LARGE1: variants seen among roughly 807,000 people sequenced by gnomAD.
The protein encoded by LARGE1 is xylosyl- and glucuronyltransferase LARGE1.
In LARGE1, 43 loss-of-function variants were observed where a neutral mutation model predicts 87.6. The observed-to-expected ratio is 0.49, with a 90% confidence interval of 0.38 to 0.63. LARGE1 has a LOEUF of 0.63. Ranked by LOEUF, LARGE1 falls within the 30% of genes least tolerant of loss-of-function variation. The pLI is 0.00. For missense variants in LARGE1, 802 were observed against 1,000.2 expected (o/e 0.80, Z 2.67); for synonymous variants, 434 against 394.6 (o/e 1.10, Z -1.18).
At chr22:33,688,277 AAGCAGTAGG>A (rs1448417598) in intron 2 of LARGE1, among the ~76,000 whole-genome samples, 4 of 152,188 alleles carry the variant, frequency 2.6e-5, no homozygotes, top group Non-Finnish European at 4.4e-5. Flanking sequence ...AGCCCATAGG[AAGCAGTAGG>A]TTAAGTGTTC....
chr22:33,797,425 G>C (rs149937550), intron 1 of LARGE1, among the ~76,000 whole-genome samples: 204 of 152,252 alleles, frequency 1.3e-3, no homozygotes, highest in African/African-American at 4.7e-3. Context: ...TTTTACAGAT[G>C]GTTGTGTAAA....
chr22:33,621,393 T>G (rs1003230396), intron 4 of LARGE1, among the ~76,000 whole-genome samples: 2 of 152,190 alleles, frequency 1.3e-5, no homozygotes, highest in African/African-American at 4.8e-5. Flanking sequence ...TGTGTCTATA[T>G]TACTCTTTTA....
chr22:33,087,720 C>T, the LARGE1 span, among the ~76,000 whole-genome samples: 10 of 152,224 alleles, frequency 6.6e-5, no homozygotes, highest in East Asian at 1.4e-3. Context: ...GGATCACCTG[C>T]GGCCAGGAGT....
chr22:33,359,560 C>CTTTTTTT (rs539990533), intron 9 of LARGE1, among the ~76,000 whole-genome samples: 2 of 119,240 alleles, frequency 1.7e-5, no homozygotes, highest in African/African-American at 6.2e-5. Flanking sequence ...GCAGACTCAT[C>CTTTTTTT]TTTTTTTTTT....
In LARGE1 at chr22:33,769,050, G is replaced by A. The variant is rs540712119; in HGVS notation, c.-82-7492C>T. ...AGGGCAGGAATCCGCCAGTGCAGTA[G>A]GGCAAACTGTTCACATCCTAGACTT... On this transcript the variant is annotated intron_variant, in intron 1 of 14. Coordinates refer to ENST00000397394, the MANE Select transcript of LARGE1 (RefSeq NM_133642.5). Among the ~76,000 whole-genome samples the A allele has an allele frequency of 1.1e-4, 16 of 152,334 alleles. No individual in the cohort carries two copies. The South Asian group carries it at 2.5e-3, about 24-fold the overall frequency.
the LARGE1 span, among the ~76,000 whole-genome samples, chr22:33,140,745 T>G: frequency 6.6e-6 from 1 of 152,174 alleles, no homozygotes; most frequent in South Asian, 2.1e-4. Context: ...GACTGAAGGC[T>G]GTACTATTGG....
At chr22:33,756,283 C>T (rs957775357) in intron 2 of LARGE1, among the ~76,000 whole-genome samples, 3 of 152,110 alleles carry the variant, frequency 2.0e-5, no homozygotes, top group African/African-American at 7.2e-5. Flanking sequence ...AATCTTCTCC[C>T]GGCACTACAG....
At chr22:33,365,554 A>G (rs1341751287) in intron 9 of LARGE1, among the ~76,000 whole-genome samples, 2 of 151,414 alleles carry the variant, frequency 1.3e-5, no homozygotes, top group African/African-American at 4.9e-5. Context: ...AGAGTTGCTT[A>G]TATATTTTGT....
intron 6 of LARGE1, among the ~76,000 whole-genome samples, chr22:33,474,272 T>C (rs900402562): frequency 2.0e-5 from 3 of 152,210 alleles, no homozygotes; most frequent in Non-Finnish European, 2.9e-5. Flanking sequence ...CAAGTGATTC[T>C]CCTGCCTCAG....
chr22:33,796,767 CTTTTTTTTTTT>C lies in LARGE1; in HGVS notation c.-82-35220_-82-35210del, dbSNP rs35532520. 3.9e-4 allele frequency among the ~76,000 whole-genome samples: 41 copies of C among 106,062 alleles called. No homozygotes were observed. The East Asian group carries it at 0.011, about 27-fold the overall frequency. The allele number at this position is 106,062 out of a possible 152,430, so 69.6% of individuals were successfully genotyped here. A position where few individuals can be genotyped will look rare whatever the true frequency, so the allele number is the denominator to read the frequency against. On this transcript the variant is annotated intron_variant, in intron 1 of 14. Coordinates refer to ENST00000397394, the MANE Select transcript of LARGE1 (RefSeq NM_133642.5). Reference sequence around the variant, plus strand: ...TAAAGGTGACACAGTAAGACTTGGGCTTTTTTTTTTTTTTTTTTTTTTCCCCTGAGATGGGA... The same window carrying C: ...TAAAGGTGACACAGTAAGACTTGGGCTTTTTTTTTTTCCCCTGAGATGGGA...
At chr22:33,846,885 C>T (rs147593652) in intron 1 of LARGE1, among the ~76,000 whole-genome samples, 1,653 of 152,152 alleles carry the variant, frequency 0.011, 26 homozygotes, top group African/African-American at 0.036. Flanking sequence ...CAATGGTGCC[C>T]GAAACTTCAT....
chr22:33,429,908 G>A (rs561723288), intron 7 of LARGE1, among the ~76,000 whole-genome samples: 104 of 152,268 alleles, frequency 6.8e-4, no homozygotes, highest in Middle Eastern at 6.8e-3. Context: ...AGAAAACAGC[G>A]TCTGGGAGAG....
chr22:33,920,845 C>A (rs908430032), upstream of LARGE1, among the ~76,000 whole-genome samples: 16 of 145,206 alleles, frequency 1.1e-4, no homozygotes, highest in Non-Finnish European at 2.1e-4. Context: ...GGCAGCCGGG[C>A]GCCGCTGGCC....
chr22:33,775,696 T>C lies in LARGE1; in HGVS notation c.-82-14138A>G, dbSNP rs574220236. Among the ~76,000 whole-genome samples, 4 of 151,874 alleles carry C rather than the reference T, an allele frequency of 2.6e-5. No individual in the cohort carries two copies. In the South Asian group the frequency reaches 8.4e-4, roughly 32 times the overall value. On this transcript the variant is annotated intron_variant, in intron 1 of 14. Coordinates refer to ENST00000397394, the MANE Select transcript of LARGE1 (RefSeq NM_133642.5). ...GTGAAACCCCATCTCTACTAAAAAA[T>C]ACAAAAATTAGCTGGTATGGTGGTG...
At chr22:33,185,934 C>A (rs1347166492) in intron 11 of LARGE1, among the ~76,000 whole-genome samples, 1 of 151,886 alleles carries the variant, frequency 6.6e-6, no homozygotes, top group African/African-American at 2.4e-5. Flanking sequence ...CAAATTTGAT[C>A]AAAGAAAAAT....
At chr22:33,572,200 A>T (rs945164168) in intron 5 of LARGE1, 15 of 1,290,722 alleles carry the variant, frequency 1.2e-5, no homozygotes, top group Non-Finnish European at 1.5e-5. Flanking sequence ...TTAAAAAATT[A>T]AAAAAAGAAG....
chr22:33,184,593 C>T (rs1051149813), intron 11 of LARGE1, among the ~76,000 whole-genome samples: 3 of 150,590 alleles, frequency 2.0e-5, no homozygotes, highest in Admixed American at 1.3e-4. Context: ...GGAAGTCTAC[C>T]AGAAATCAAT....
intron 3 of LARGE1, among the ~76,000 whole-genome samples, chr22:33,634,133 G>C (rs2080193130): frequency 6.6e-6 from 1 of 152,202 alleles, no homozygotes; most frequent in Non-Finnish European, 1.5e-5. Flanking sequence ...AACAGCACAA[G>C]ACACTGTTCA....
chr22:33,075,552 G>A, the LARGE1 span, among the ~76,000 whole-genome samples: 1,433 of 152,262 alleles, frequency 9.4e-3, 15 homozygotes, highest in South Asian at 0.026. Context: ...TAAGGGGACC[G>A]AGGCTTGGAG....
Sources: allele counts gnomAD v4.1 joint callset (sites outside exome capture counted in the v4.1 genomes callset), GRCh38; gene constraint gnomAD v4.1.1; transcripts MANE v1.5; gene names NCBI Gene and HGNC (gene_info 2026-07-23, HGNC 2026-07-21).